Variants in RBFOX1 observed in about 807,000 individuals in gnomAD.
RBFOX1 encodes RNA binding protein fox-1 homolog 1.
Under a neutral mutation model 57.7 loss-of-function variants are expected in RBFOX1, and 8 were observed. The ratio of observed to expected loss-of-function variants is 0.14; its 90% CI spans 0.08 to 0.25. The LOEUF (loss-of-function observed/expected upper bound fraction) is 0.25, where lower values mean the gene tolerates loss of function less well. RBFOX1 is among the 10% of genes least tolerant of loss of function. The pLI is 1.00. For synonymous variants in RBFOX1, 326 were observed against 222.4 expected (o/e 1.47, Z -4.15); for missense variants, 611 against 548.5 (o/e 1.11, Z -1.14).
At chr16:7,231,905 G>T (rs1212523561) in intron 4 of RBFOX1, among the ~76,000 whole-genome samples, 1 of 152,186 alleles carries the variant, frequency 6.6e-6, no homozygotes, top group African/African-American at 2.4e-5. Context: ...AGGAGGAAGG[G>T]GTTGGGGAAT....
chr16:6,094,099 A>C (rs976866403), intron 1 of RBFOX1, among the ~76,000 whole-genome samples: 4 of 152,116 alleles, frequency 2.6e-5, no homozygotes, highest in African/African-American at 9.7e-5. Flanking sequence ...AAGACCCCAA[A>C]TGTGCATGAG....
At chr16:7,353,581 G>A (rs1388947053) in intron 4 of RBFOX1, among the ~76,000 whole-genome samples, 5 of 152,126 alleles carry the variant, frequency 3.3e-5, no homozygotes, top group African/African-American at 7.2e-5. Context: ...ACTAAGAAAT[G>A]GATAAACACG....
intron 3 of RBFOX1, among the ~76,000 whole-genome samples, chr16:6,694,773 T>A (rs1437898702): frequency 1.3e-5 from 2 of 152,180 alleles, no homozygotes; most frequent in African/African-American, 4.8e-5. Flanking sequence ...CTCATTTAAC[T>A]AATTCAGGGC....
intron 3 of RBFOX1, among the ~76,000 whole-genome samples, chr16:6,803,951 C>G (rs985440980): frequency 2.0e-5 from 3 of 152,060 alleles, no homozygotes; most frequent in Admixed American, 6.6e-5. Context: ...CCCATAGTTT[C>G]CTAATATTTG....
chr16:6,527,173 A>G (rs574142364), intron 2 of RBFOX1, among the ~76,000 whole-genome samples: 5 of 152,224 alleles, frequency 3.3e-5, no homozygotes, highest in African/African-American at 1.2e-4. Context: ...AAAGGGATAT[A>G]GGGAAAAAGT....
rs1051757290 is a variant in RBFOX1, at chr16:6,895,269, A to C, written c.-15-156788A>C. On this transcript the variant is annotated intron_variant, in intron 3 of 15. Coordinates refer to ENST00000550418, the MANE Select transcript of RBFOX1 (RefSeq NM_018723.4). ...AAATGTATATCCCCAGTGGTTCCTG[A>C]TTCCCAGAATCCCCTGGATAGCTCT... is the stretch of plus-strand genomic sequence containing the variant. 2.0e-5 allele frequency among the ~76,000 whole-genome samples: 3 copies of C among 151,666 alleles called. No homozygotes were observed. In the East Asian group the frequency reaches 5.8e-4, roughly 29 times the overall value.
At chr16:7,085,646 T>A (rs1198288647) in intron 4 of RBFOX1, among the ~76,000 whole-genome samples, 1 of 152,144 alleles carries the variant, frequency 6.6e-6, no homozygotes, top group Non-Finnish European at 1.5e-5. Flanking sequence ...AGTTTTCCTA[T>A]CAGAAAGGGC....
intron 3 of RBFOX1, among the ~76,000 whole-genome samples, chr16:6,778,045 A>G (rs755067231): frequency 2.0e-5 from 3 of 152,136 alleles, no homozygotes; most frequent in Admixed American, 6.5e-5. Context: ...TGTGGGATAA[A>G]TCTTGTCATT....
chr16:7,083,465 A>T (rs774717949), intron 4 of RBFOX1, among the ~76,000 whole-genome samples: 1 of 152,080 alleles, frequency 6.6e-6, no homozygotes, highest in Non-Finnish European at 1.5e-5. Flanking sequence ...AATATAAAAA[A>T]ACAAGAAATG....
chr16:7,247,715 CT>C (rs2094356762), intron 4 of RBFOX1, among the ~76,000 whole-genome samples: 1 of 152,178 alleles, frequency 6.6e-6, no homozygotes. Context: ...GAAACATAGC[CT>C]CTTTAAATCC....
chr16:6,622,599 T>G (rs1361476969), intron 2 of RBFOX1, among the ~76,000 whole-genome samples: 1 of 152,160 alleles, frequency 6.6e-6, no homozygotes, highest in Non-Finnish European at 1.5e-5. Context: ...AAAGCAACAT[T>G]TGTGGTTTAT....
intron 4 of RBFOX1, among the ~76,000 whole-genome samples, chr16:5,960,002 A>G (rs1471579199): frequency 1.3e-5 from 2 of 152,112 alleles, no homozygotes; most frequent in African/African-American, 2.4e-5. Flanking sequence ...GGAGTTCAAG[A>G]CCAGCCTTGC....
Position 6,097,931 on chromosome 16 carries a change from G to A in RBFOX1, c.-127+77939G>A, listed in dbSNP as rs1423990292. On this transcript the variant is annotated intron_variant, in intron 1 of 15. Coordinates refer to ENST00000550418, the MANE Select transcript of RBFOX1 (RefSeq NM_018723.4). The surrounding 1 kb of genome is among the most constrained non-coding windows in gnomAD (Gnocchi z 5.0). The stretch of plus-strand genomic sequence containing the variant: ...ATTTAGCAAGCATCAATGAGTCCTG[G>A]AGGGCTTTTAAACCATAGATGATCA... 6.6e-6 allele frequency among the ~76,000 whole-genome samples: 1 copy of A among 152,126 alleles called. No individual in the cohort carries two copies. Among genetic ancestry groups the A allele is most frequent in the East Asian group, 1.9e-4 (1 of 5,174 alleles).
intron 2 of RBFOX1, among the ~76,000 whole-genome samples, chr16:6,375,013 A>ACG (rs1173629539): frequency 1.5e-3 from 223 of 152,318 alleles, no homozygotes; most frequent in African/African-American, 5.2e-3. Context: ...TGCTGCATTG[A>ACG]GTGCTTATTT....
At chr16:7,263,177 A>G (rs2094988559) in intron 4 of RBFOX1, among the ~76,000 whole-genome samples, 2 of 152,180 alleles carry the variant, frequency 1.3e-5, no homozygotes, top group South Asian at 4.1e-4. Context: ...TCTCTGTTAC[A>G]TTCTAAGCCA....
chr16:7,017,422 T>G (rs1160017486), intron 3 of RBFOX1, among the ~76,000 whole-genome samples: 1 of 152,138 alleles, frequency 6.6e-6, no homozygotes, highest in African/African-American at 2.4e-5. Context: ...GAGAATGAGA[T>G]AAATCTTGGC....
chr16:5,757,493 G>C (rs946417381), intron 3 of RBFOX1, among the ~76,000 whole-genome samples: 7 of 152,070 alleles, frequency 4.6e-5, no homozygotes, highest in African/African-American at 1.7e-4. Flanking sequence ...GCCTCCAAAA[G>C]TGCTGGGATT....
chr16:6,720,922 T>C lies in RBFOX1; in HGVS notation c.-16+66272T>C, dbSNP rs556871053. ...AACATGATGCTACCATGTTATTAAT[T>C]GGTTTTGAAGCTCCAGGTACATTAA... On this transcript the variant is annotated intron_variant, in intron 3 of 15. Transcript: ENST00000550418. 4.6e-5 allele frequency among the ~76,000 whole-genome samples: 7 copies of C among 152,308 alleles called. No homozygotes were observed. The East Asian group carries it at 9.7e-4, about 21-fold the overall frequency.
chr16:5,610,831 G>A (rs944632428), intron 3 of RBFOX1, among the ~76,000 whole-genome samples: 3 of 152,140 alleles, frequency 2.0e-5, no homozygotes, highest in Non-Finnish European at 4.4e-5. Flanking sequence ...TTGCAGCACT[G>A]CACTCCAGCC....
Sources: allele counts gnomAD v4.1 joint callset (sites outside exome capture counted in the v4.1 genomes callset), GRCh38; gene constraint gnomAD v4.1.1; non-coding constraint Gnocchi (gnomAD v3.1); transcripts MANE v1.5; gene names NCBI Gene and HGNC (gene_info 2026-07-23, HGNC 2026-07-21).